PRMT8: variants seen among roughly 807,000 people sequenced by gnomAD.
PRMT8 encodes the protein protein arginine N-methyltransferase 8.
Under a neutral mutation model 47.1 loss-of-function variants are expected in PRMT8, and 7 were observed. That is an observed-to-expected ratio of 0.15 (90% CI 0.08 to 0.28). The LOEUF is 0.28. Among genes scored for constraint, PRMT8 ranks in the 10% least tolerant of loss-of-function variants. The probability of loss-of-function intolerance (pLI) is 1.00; values close to 1 mark genes in which losing one functional copy is unlikely to be tolerated. For missense variants in PRMT8, 237 were observed against 505.4 expected (o/e 0.47, Z 5.09); for synonymous variants, 188 against 186.5 (o/e 1.01, Z -0.07).
At chr12:3,590,738 C>T (rs976318916) in intron 8 of PRMT8, among the ~76,000 whole-genome samples, 27 of 152,084 alleles carry the variant, frequency 1.8e-4, no homozygotes, top group Admixed American at 5.2e-4. Context: ...ATTCCAAAGG[C>T]CCCCAGGGTA....
At chr12:3,536,427 T>C (rs186587320) in intron 1 of PRMT8, among the ~76,000 whole-genome samples, 1 of 152,328 alleles carries the variant, frequency 6.6e-6, no homozygotes, top group African/African-American at 2.4e-5. Flanking sequence ...AAGCTGGCTG[T>C]TGGGGAGAGT....
intron 7 of PRMT8, among the ~76,000 whole-genome samples, chr12:3,581,245 G>A (rs1867057792): frequency 6.6e-6 from 1 of 152,206 alleles, no homozygotes; most frequent in Admixed American, 6.5e-5. Context: ...CACGACTTAT[G>A]AGGAATGAAT....
intron 1 of PRMT8, among the ~76,000 whole-genome samples, chr12:3,495,046 G>A (rs1165299770): frequency 6.6e-6 from 1 of 152,080 alleles, no homozygotes; most frequent in Non-Finnish European, 1.5e-5. Flanking sequence ...TGTTCCCTAG[G>A]TGTCATGAGA....
intron 1 of PRMT8, among the ~76,000 whole-genome samples, chr12:3,511,222 G>A (rs1865709260): frequency 1.3e-5 from 2 of 152,190 alleles, no homozygotes; most frequent in Non-Finnish European, 2.9e-5. Context: ...TGATGGAGCT[G>A]GATGCCAGCT....
intron 8 of PRMT8, among the ~76,000 whole-genome samples, chr12:3,591,900 A>G (rs1411537116): frequency 6.6e-6 from 1 of 152,180 alleles, no homozygotes; most frequent in Admixed American, 6.5e-5. Flanking sequence ...AGATGCATGT[A>G]TGTCCATGCA....
chr12:3,429,853 G>A (rs1020168565), intron 1 of PRMT8, among the ~76,000 whole-genome samples: 5 of 152,350 alleles, frequency 3.3e-5, no homozygotes, highest in African/African-American at 7.2e-5. Flanking sequence ...CTTTGGATCC[G>A]CATCACTCAG....
chr12:3,490,675 A>AAGAGAGAGAGAGAGAGAGAG (rs370069857), upstream of PRMT8, among the ~76,000 whole-genome samples: 663 of 121,080 alleles, frequency 5.5e-3, 4 homozygotes, highest in Non-Finnish European at 6.7e-3. Context: ...TTTGGGTACA[A>AAGAGAGAGAGAGAGAGAGAG]AGAGAGAGAG....
intron 1 of PRMT8, among the ~76,000 whole-genome samples, chr12:3,495,904 A>AATCATGGG (rs2137116508): frequency 6.6e-6 from 1 of 152,278 alleles, no homozygotes; most frequent in South Asian, 2.1e-4. Context: ...AAGCCAGTCA[A>AATCATGGG]ATCATGGGTA....
rs998925705 is a variant in PRMT8, at chr12:3,580,341, T to C, written c.829-2717T>C. On this transcript the variant is annotated intron_variant, in intron 7 of 9. Transcript: ENST00000382622. The surrounding 1 kb of genome is among the most constrained non-coding windows in gnomAD (Gnocchi z 4.6). ...GCCAGATGGGGGGTGCGTGTGCGTG[T>C]GTGTGTGTGTGTGTGTGTGTGTGTG... is the stretch of plus-strand genomic sequence containing the variant. Among the ~76,000 whole-genome samples, 14 of 146,390 alleles carry C rather than the reference T, an allele frequency of 9.6e-5. No individual in the cohort carries two copies. Among genetic ancestry groups the C allele is most frequent in the African/African-American group, 3.5e-4 (14 of 40,206 alleles).
At chr12:3,415,512 A>G (rs1864474934) in intron 1 of PRMT8, among the ~76,000 whole-genome samples, 1 of 152,200 alleles carries the variant, frequency 6.6e-6, no homozygotes, top group Non-Finnish European at 1.5e-5. Flanking sequence ...GCTGCCAGCC[A>G]CCAGTCAATC....
chr12:3,588,358 A>G (rs1462697557), intron 8 of PRMT8, among the ~76,000 whole-genome samples: 1 of 152,228 alleles, frequency 6.6e-6, no homozygotes, highest in Non-Finnish European at 1.5e-5. Flanking sequence ...CCAGCCACTT[A>G]GCCATTGGTC....
intron 1 of PRMT8, among the ~76,000 whole-genome samples, chr12:3,513,243 G>A (rs560653038): frequency 2.0e-4 from 30 of 152,272 alleles, no homozygotes; most frequent in African/African-American, 6.3e-4. Context: ...TCACCCAGTC[G>A]TCTCAGAAAG....
intron 9 of PRMT8, among the ~76,000 whole-genome samples, chr12:3,592,668 G>C (rs1294841428): frequency 6.6e-6 from 1 of 152,180 alleles, no homozygotes; most frequent in African/African-American, 2.4e-5. Flanking sequence ...TGGGCCAGGA[G>C]ATAAGCTCCT....
At chr12:3,545,756 C>T (rs758177104) in intron 2 of PRMT8, among the ~76,000 whole-genome samples, 1 of 152,168 alleles carries the variant, frequency 6.6e-6, no homozygotes, top group African/African-American at 2.4e-5. Flanking sequence ...AATCTCCAGT[C>T]ATAGTTAAAT....
At chr12:3,471,233 G>T (rs527988386) in intron 1 of PRMT8, among the ~76,000 whole-genome samples, 1 of 152,178 alleles carries the variant, frequency 6.6e-6, no homozygotes, top group African/African-American at 2.4e-5. Context: ...AAGGAGAGGG[G>T]CAAGGTGGAA....
chr12:3,417,837 T>C (rs1864499195), intron 1 of PRMT8, among the ~76,000 whole-genome samples: 1 of 152,354 alleles, frequency 6.6e-6, no homozygotes, highest in South Asian at 2.1e-4. Context: ...TTGTTTTGCC[T>C]TGAGAGTGAC....
chr12:3,552,997 A>G lies in PRMT8; in HGVS notation c.418-654A>G, dbSNP rs1340963532. 1.9e-5 allele frequency: 6 copies of G among 317,382 alleles called. No individual in the cohort carries two copies. Among genetic ancestry groups the G allele is most frequent in the South Asian group, 7.6e-5 (3 of 39,408 alleles). The allele number at this position is 317,382 out of a possible 1,614,324, so 19.7% of individuals were successfully genotyped here. On this transcript the variant is annotated intron_variant, in intron 3 of 9. Coordinates refer to ENST00000382622, the MANE Select transcript of PRMT8 (RefSeq NM_019854.5). The surrounding 1 kb of genome is among the most constrained non-coding windows in gnomAD (Gnocchi z 4.5). ...AGCTTGGCTTCCAACCATTCCCATG[A>G]GGGCCTGCTCTCAGGGAAGGTCCAC...
At chr12:3,530,743 C>T (rs56127992) in intron 1 of PRMT8, among the ~76,000 whole-genome samples, 10 of 152,022 alleles carry the variant, frequency 6.6e-5, no homozygotes, top group African/African-American at 2.2e-4. Flanking sequence ...TCCTGTGCCA[C>T]GAAAGGCCCA....
intron 1 of PRMT8, among the ~76,000 whole-genome samples, chr12:3,448,741 T>C (rs143213304): frequency 1.3e-5 from 2 of 152,328 alleles, no homozygotes; most frequent in Non-Finnish European, 2.9e-5. Flanking sequence ...TTTTATTTTA[T>C]TTTATTTTAA....
Sources: gnomAD v4.1 joint callset for allele counts (sites outside exome capture counted in the v4.1 genomes callset) on GRCh38, gnomAD v4.1.1 for gene constraint, Gnocchi (gnomAD v3.1) non-coding constraint, MANE v1.5 for transcripts, NCBI Gene and HGNC (gene_info 2026-07-23, HGNC 2026-07-21) for gene names.